The following ATP8A2 variants were observed in gnomAD, a reference collection of about 807,000 sequenced individuals.
ATP8A2 encodes the protein phospholipid-transporting ATPase IB.
ATP8A2 carries 100 observed loss-of-function variants against 165.6 expected under a neutral mutation model. The observed-to-expected ratio is 0.60, with a 90% confidence interval of 0.51 to 0.71. The LOEUF (loss-of-function observed/expected upper bound fraction) is 0.71, where lower values mean the gene tolerates loss of function less well. ATP8A2 is among the 30% of genes least tolerant of loss of function. ATP8A2 has a pLI of 0.00. For missense variants in ATP8A2, 1,227 were observed against 1,479.5 expected, an observed-to-expected ratio of 0.83 and a Z score of 2.80; for synonymous variants, 543 against 548.8, an observed-to-expected ratio of 0.99 and a Z score of 0.15.
intron 24 of ATP8A2, among the ~76,000 whole-genome samples, chr13:25,656,839 G>A (rs562103652): frequency 5.9e-5 from 9 of 151,388 alleles, no homozygotes; most frequent in Non-Finnish European, 1.3e-4. Context: ...GATCACTTGA[G>A]GCCAGGAGTT....
At chr13:25,955,225 A>C (rs534280938) in intron 33 of ATP8A2, among the ~76,000 whole-genome samples, 1 of 152,254 alleles carries the variant, frequency 6.6e-6, no homozygotes, top group South Asian at 2.1e-4. Flanking sequence ...CTAGAGAAGC[A>C]AGAGCAAACA....
chr13:25,819,160 A>C (rs552770356), intron 27 of ATP8A2, among the ~76,000 whole-genome samples: 8 of 152,318 alleles, frequency 5.3e-5, no homozygotes, highest in Admixed American at 2.0e-4. Context: ...TTTTACAAAA[A>C]AAAAATGGAT....
At chr13:25,925,760 T>C (rs1412581835) in intron 33 of ATP8A2, among the ~76,000 whole-genome samples, 21 of 150,820 alleles carry the variant, frequency 1.4e-4, no homozygotes, top group African/African-American at 4.6e-4. Flanking sequence ...CGGAGTTTGC[T>C]CTTGTTGCCC....
intron 33 of ATP8A2, among the ~76,000 whole-genome samples, chr13:25,918,242 A>T (rs754042383): frequency 1.3e-5 from 2 of 152,226 alleles, no homozygotes; most frequent in Admixed American, 6.5e-5. Context: ...AAGATGCTCA[A>T]GGTTCCTGGG....
intron 1 of ATP8A2, among the ~76,000 whole-genome samples, chr13:25,410,972 T>A (rs2033948699): frequency 1.3e-5 from 2 of 152,230 alleles, no homozygotes; most frequent in African/African-American, 4.8e-5. Context: ...TCATCCAGTT[T>A]TTCTGCTGTT....
intron 25 of ATP8A2, among the ~76,000 whole-genome samples, chr13:25,761,502 G>A (rs2044377864): frequency 6.6e-6 from 1 of 152,064 alleles, no homozygotes; most frequent in South Asian, 2.1e-4. Flanking sequence ...GCTAAGCTGG[G>A]CAAAGTGATG....
At chr13:25,732,275 G>C (rs1335262462) in intron 25 of ATP8A2, among the ~76,000 whole-genome samples, 1 of 152,172 alleles carries the variant, frequency 6.6e-6, no homozygotes, top group African/African-American at 2.4e-5. Flanking sequence ...CGCATGTTGG[G>C]AAAGAATCTG....
In ATP8A2 at chr13:25,372,269, G is replaced by T; in HGVS notation, c.57G>T (p.Ser19=). ...KALKMSLPRR[S]RIRSSVGPVR... is the part of the protein sequence containing the mutation. ...TTAAGATGTCCCTGCCGCGGAGGTC[G>T]AGGATCCGCTCGTCCGTGGGTGAGC... Residue 19 remains serine (S), a synonymous_variant, in exon 1 of 37, where the codon TCG becomes TCT. Coordinates refer to ENST00000381655, the MANE Select transcript of ATP8A2 (RefSeq NM_016529.6). This position sits in a 1 kb window ranked among gnomAD's most constrained non-coding sequence, Gnocchi z 4.8. 6.8e-7 allele frequency: 1 copy of T among 1,475,972 alleles called. No individual in the cohort carries two copies. Among genetic ancestry groups the T allele is most frequent in the Non-Finnish European group, 9.0e-7 (1 of 1,110,132 alleles). The allele number at this position is 1,475,972 out of a possible 1,614,324, so 91.4% of individuals were successfully genotyped here. A position where few individuals can be genotyped will look rare whatever the true frequency, so the allele number is the denominator to read the frequency against.
chr13:25,560,909 C>G (rs376966249), intron 15 of ATP8A2, among the ~76,000 whole-genome samples: 1 of 148,692 alleles, frequency 6.7e-6, no homozygotes, highest in Non-Finnish European at 1.5e-5. Context: ...TTTTTTGAGA[C>G]GGAGTCTCGC....
rs759036659 is a variant in ATP8A2 at position 25,438,282 on chromosome 13, C to T, written c.77-30695C>T. 5.3e-5 allele frequency among the ~76,000 whole-genome samples: 8 copies of T among 152,272 alleles called. No homozygotes were observed. In the South Asian group the frequency reaches 1.7e-3, roughly 32 times the overall value. On this transcript the variant is annotated intron_variant, in intron 1 of 36. Transcript: ENST00000381655. ...GCTTTAAAATATATTATCAACCATT[C>T]ATGATGATTTCCATTGAAAGATTTT...
intron 1 of ATP8A2, among the ~76,000 whole-genome samples, chr13:25,433,151 TC>T (rs1459583908): frequency 6.6e-6 from 1 of 152,230 alleles, no homozygotes; most frequent in African/African-American, 2.4e-5. Context: ...AAAGGCATTT[TC>T]CCATAGGTTT....
At chr13:25,534,815 C>T (rs1349636787) in intron 6 of ATP8A2, among the ~76,000 whole-genome samples, 3 of 152,240 alleles carry the variant, frequency 2.0e-5, no homozygotes, top group Non-Finnish European at 4.4e-5. Flanking sequence ...CAGTCACCGT[C>T]CACAGAGCTG....
chr13:25,603,481 A>G (rs2040440620), intron 24 of ATP8A2, among the ~76,000 whole-genome samples: 1 of 152,002 alleles, frequency 6.6e-6, no homozygotes, highest in African/African-American at 2.4e-5. Flanking sequence ...AAAAAAAAAA[A>G]AAAAAAAATT....
At chr13:25,449,733 A>G (rs896602295) in intron 1 of ATP8A2, among the ~76,000 whole-genome samples, 2 of 152,242 alleles carry the variant, frequency 1.3e-5, no homozygotes, top group Non-Finnish European at 2.9e-5. Context: ...CTGTTATTAA[A>G]TGCATAAATG....
chr13:25,930,679 G>A (rs1349770691), intron 33 of ATP8A2, among the ~76,000 whole-genome samples: 2 of 151,272 alleles, frequency 1.3e-5, no homozygotes, highest in East Asian at 1.9e-4. Flanking sequence ...TTTTTTTTTC[G>A]TCATTGTGTG....
chr13:25,579,250 G>A (rs1332370651), intron 21 of ATP8A2, among the ~76,000 whole-genome samples: 1 of 152,212 alleles, frequency 6.6e-6, no homozygotes, highest in Non-Finnish European at 1.5e-5. Flanking sequence ...GGAACCCATA[G>A]TGAGCAGGAA....
chr13:25,751,900 T>A (rs1242875957), intron 25 of ATP8A2, among the ~76,000 whole-genome samples: 1 of 150,884 alleles, frequency 6.6e-6, no homozygotes, highest in East Asian at 1.9e-4. Flanking sequence ...TGCATGTATA[T>A]GTATGTATAC....
chr13:25,426,723 A>G (rs1352598717), intron 1 of ATP8A2, among the ~76,000 whole-genome samples: 4 of 152,122 alleles, frequency 2.6e-5, no homozygotes, highest in Non-Finnish European at 1.5e-5. Flanking sequence ...CGGGTGGATC[A>G]CCTGAGGTCA....
At chr13:25,398,779 G>GTGAGGT (rs1325307447) in intron 1 of ATP8A2, among the ~76,000 whole-genome samples, 1 of 152,188 alleles carries the variant, frequency 6.6e-6, no homozygotes, top group African/African-American at 2.4e-5. Context: ...AGAGCTATCA[G>GTGAGGT]TGAGGTTGAG....
Sources: gnomAD v4.1 joint callset for allele counts (sites outside exome capture counted in the v4.1 genomes callset) on GRCh38, gnomAD v4.1.1 for gene constraint, Gnocchi (gnomAD v3.1) non-coding constraint, MANE v1.5 for transcripts, NCBI Gene and HGNC (gene_info 2026-07-23, HGNC 2026-07-21) for gene names.